Variants in TET3 observed in about 807,000 individuals in gnomAD.
The protein encoded by TET3 is tet methylcytosine dioxygenase 3.
A neutral mutation model predicts 141.4 loss-of-function variants in TET3; 19 were observed. That is an observed-to-expected ratio of 0.13 (90% CI 0.09 to 0.20). The LOEUF (loss-of-function observed/expected upper bound fraction) is 0.20. Ranked by LOEUF, TET3 falls within the 10% of genes least tolerant of loss-of-function variation. TET3 has a pLI of 1.00. For missense variants in TET3, 1,874 were observed against 2,356.9 expected, an observed-to-expected ratio of 0.80 and a Z score of 4.24; for synonymous variants, 1,043 against 980.9, an observed-to-expected ratio of 1.06 and a Z score of -1.18.
At chr2:74,031,767 A>G (rs1404972884) in intron 3 of TET3, among the ~76,000 whole-genome samples, 4 of 152,132 alleles carry the variant, frequency 2.6e-5, no homozygotes, top group Non-Finnish European at 4.4e-5. Context: ...TGAATGAAAA[A>G]CTTAGGTCTT....
At chr2:74,098,698 A>G (rs995678636) in intron 10 of TET3, among the ~76,000 whole-genome samples, 1 of 151,844 alleles carries the variant, frequency 6.6e-6, no homozygotes, top group Non-Finnish European at 1.5e-5. Context: ...GGTTCAAGCA[A>G]TTCTCCTGTC....
intron 3 of TET3, among the ~76,000 whole-genome samples, chr2:74,045,029 A>G (rs138421692): frequency 3.2e-3 from 490 of 152,330 alleles, no homozygotes; most frequent in African/African-American, 0.011. Flanking sequence ...AAAAAATTTC[A>G]AAGTCAAGAA....
intron 2 of TET3, among the ~76,000 whole-genome samples, chr2:73,989,226 T>C (rs988962973): frequency 6.6e-6 from 1 of 152,058 alleles, no homozygotes; most frequent in Non-Finnish European, 1.5e-5. Flanking sequence ...AGAGGGAACA[T>C]GTCCCGGGAT....
At chr2:74,005,652 T>TGG (rs950534446) in intron 3 of TET3, among the ~76,000 whole-genome samples, 2 of 152,182 alleles carry the variant, frequency 1.3e-5, no homozygotes, top group African/African-American at 4.8e-5. Context: ...AGATGGGTGC[T>TGG]GGCTGAGGAA....
chr2:74,058,812 C>G (rs1465183785), intron 4 of TET3, among the ~76,000 whole-genome samples: 1 of 152,078 alleles, frequency 6.6e-6, no homozygotes, highest in African/African-American at 2.4e-5. Context: ...GCCTGCAGAC[C>G]AAACCTGGCC....
In TET3 at chr2:74,068,174, A is replaced by AT. The variant is rs955736383; in HGVS notation, c.2495-5365dup. ...CCTGGCTGCACACTCCATGGCTGTT[A>AT]TTTTTTTTTTAATTTTTAATTTTTA... On this transcript the variant is annotated intron_variant, in intron 4 of 11. Transcript: ENST00000409262. 1.5e-3 allele frequency among the ~76,000 whole-genome samples: 229 copies of AT among 149,784 alleles called. 2 individuals carry two copies. The East Asian group carries it at 0.02, about 13-fold the overall frequency.
In TET3 at chr2:73,986,080, TG is replaced by T. The variant is rs1684012645; in HGVS notation, c.-323del. 1 of 230,486 alleles carries T rather than the reference TG, an allele frequency of 4.3e-6. No individual in the cohort carries two copies. 14.3% of individuals were successfully genotyped at this position (230,486 alleles called of 1,614,324 possible). On this transcript the variant is annotated 5_prime_UTR_variant, in exon 2 of 12. The change abolishes an upstream ATG in the 5' untranslated region. Transcript: ENST00000409262. ...ACCACACCCCTACCTGCTCAACTCA[TG>T]CCTGGGTCCAGGGTGGGTGAGGGTG...
chr2:74,089,506 C>CA (rs1690354255), intron 7 of TET3, among the ~76,000 whole-genome samples: 1 of 152,216 alleles, frequency 6.6e-6, no homozygotes, highest in Non-Finnish European at 1.5e-5. Context: ...AGGAAATAGA[C>CA]ACGTTCAAAC....
chr2:74,061,044 G>T (rs1490510727), intron 4 of TET3, among the ~76,000 whole-genome samples: 1 of 151,656 alleles, frequency 6.6e-6, no homozygotes, highest in South Asian at 2.1e-4. Context: ...CCTCCCAGAC[G>T]GGGTGGTGGC....
At chr2:74,025,211 G>A (rs1298965210) in intron 3 of TET3, among the ~76,000 whole-genome samples, 2 of 133,474 alleles carry the variant, frequency 1.5e-5, no homozygotes, top group Admixed American at 7.7e-5. Flanking sequence ...GTGACAAAGC[G>A]AGACTCCGCC....
intron 4 of TET3, among the ~76,000 whole-genome samples, chr2:74,072,049 C>CA (rs960419146): frequency 1.2e-4 from 19 of 152,124 alleles, no homozygotes; most frequent in Non-Finnish European, 2.5e-4. Flanking sequence ...TTCATGATTC[C>CA]AAAAAAACAC....
Position 74,097,195 on chromosome 2 carries a change from GCACA to G in TET3, c.3268-2048_3268-2045del, listed in dbSNP as rs146612512. Among the ~76,000 whole-genome samples, 1,144 of 138,006 alleles carry G rather than the reference GCACA, an allele frequency of 8.3e-3. 14 individuals carry two copies. The highest frequency in any genetic ancestry group is 0.026 in the African/African-American group (994 of 38,220). 90.5% of individuals were successfully genotyped at this position (138,006 alleles called of 152,430 possible). A position where few individuals can be genotyped will look rare whatever the true frequency, so the allele number is the denominator to read the frequency against. On this transcript the variant is annotated intron_variant, in intron 10 of 11. Coordinates refer to ENST00000409262, the MANE Select transcript of TET3 (RefSeq NM_001287491.2). ...TTTGTAGTTTTATATAGCCATACAT[GCACA>G]CACACACACACACACACACACACAC... is the stretch of plus-strand genomic sequence containing the variant.
chr2:74,002,749 G>A (rs930043775), intron 2 of TET3: 1 of 536,062 alleles, frequency 1.9e-6, no homozygotes. Context: ...CGCTCCCTCC[G>A]GCGGGGATAA....
intron 5 of TET3, among the ~76,000 whole-genome samples, chr2:74,079,743 C>A (rs1689701920): frequency 2.0e-5 from 3 of 152,182 alleles, no homozygotes; most frequent in African/African-American, 7.2e-5. Context: ...GGCTGGCACT[C>A]ACACCCAAGT....
In TET3 at chr2:74,056,616, G is replaced by A. The variant is rs572085645; in HGVS notation, c.2494+8205G>A. Among the ~76,000 whole-genome samples the A allele has an allele frequency of 2.0e-5, 3 of 152,240 alleles. No individual in the cohort carries two copies. The East Asian group carries it at 5.8e-4, about 29-fold the overall frequency. On this transcript the variant is annotated intron_variant, in intron 4 of 11. Transcript: ENST00000409262. ...TAAAATAGATCTTTCTTTAAGAAGA[G>A]TTGAGCCATTTCCCAGCGATGCCAC...
the TET3 span, among the ~76,000 whole-genome samples, chr2:74,124,803 C>T: frequency 6.6e-6 from 1 of 152,052 alleles, no homozygotes; most frequent in Non-Finnish European, 1.5e-5. Context: ...GCCGCAGGGT[C>T]CTCTGTCTAG....
At chr2:74,079,714 T>A (rs562064577) in intron 5 of TET3, among the ~76,000 whole-genome samples, 3 of 152,194 alleles carry the variant, frequency 2.0e-5, no homozygotes, top group Non-Finnish European at 4.4e-5. Flanking sequence ...GCCACAGTTA[T>A]ATAGCAAGAC....
the TET3 span, among the ~76,000 whole-genome samples, chr2:74,126,153 T>C: frequency 1.3e-4 from 19 of 151,680 alleles, no homozygotes; most frequent in Non-Finnish European, 2.4e-4. Flanking sequence ...TTTGATCCCA[T>C]AGAGCCAATT....
In TET3 at chr2:74,003,829, G is replaced by A. The variant is rs558658181; in HGVS notation, c.360+663G>A. 1.4e-3 allele frequency among the ~76,000 whole-genome samples: 212 copies of A among 148,948 alleles called. 6 individuals are homozygous for A. In the South Asian group the frequency reaches 0.045, roughly 32 times the overall value. On this transcript the variant is annotated intron_variant, in intron 3 of 11. Transcript: ENST00000409262. Reference sequence around the variant, plus strand: ...CGTGGGAAGCAGAGAAGGGGGCACTGAGCTTCTCCTTGTGGTTGTCTGGGG... The same window carrying A: ...CGTGGGAAGCAGAGAAGGGGGCACTAAGCTTCTCCTTGTGGTTGTCTGGGG...
Sources: allele counts gnomAD v4.1 joint callset (sites outside exome capture counted in the v4.1 genomes callset), GRCh38; gene constraint gnomAD v4.1.1; transcripts MANE v1.5; gene names NCBI Gene and HGNC (gene_info 2026-07-23, HGNC 2026-07-21).